OSBPL1A: variants seen among roughly 807,000 people sequenced by gnomAD.
OSBPL1A encodes the protein oxysterol-binding protein-related protein 1.
A neutral mutation model predicts 137.1 loss-of-function variants in OSBPL1A; 80 were observed. The observed-to-expected ratio is 0.58, with a 90% confidence interval of 0.49 to 0.70. The LOEUF is 0.70. Ranked by LOEUF, OSBPL1A falls within the 30% of genes least tolerant of loss-of-function variation. The pLI is 0.00. For missense variants in OSBPL1A, 970 were observed against 1,129.4 expected, an observed-to-expected ratio of 0.86 and a Z score of 2.02; for synonymous variants, 365 against 389.7, an observed-to-expected ratio of 0.94 and a Z score of 0.75.
intron 4 of OSBPL1A, among the ~76,000 whole-genome samples, chr18:24,346,276 C>T (rs1339140336): frequency 1.3e-5 from 2 of 152,134 alleles, no homozygotes; most frequent in African/African-American, 4.8e-5. Context: ...GAGAAAAATC[C>T]TCATGCCCAG....
chr18:24,381,806 C>T (rs1025762824), intron 1 of OSBPL1A, among the ~76,000 whole-genome samples: 4 of 150,504 alleles, frequency 2.7e-5, no homozygotes, highest in African/African-American at 7.3e-5. Context: ...ACTAAAAATA[C>T]AAAAATTAGG....
At chr18:24,396,473 C>G (rs1031084718) in intron 1 of OSBPL1A, among the ~76,000 whole-genome samples, 1 of 152,140 alleles carries the variant, frequency 6.6e-6, no homozygotes, top group African/African-American at 2.4e-5. Context: ...TTTTGACTAT[C>G]CGTTGCTCAA....
At position 24,196,137 on chromosome 18, in the gene OSBPL1A, T is replaced by A. The variant is rs1368491766; in HGVS notation, c.1665A>T (p.Lys555Asn). 1 of 1,609,880 alleles carries A rather than the reference T, an allele frequency of 6.2e-7. No individual in the cohort carries two copies. The highest frequency in any genetic ancestry group is 1.7e-4 in the Middle Eastern group (1 of 6,042). Residue 555 changes from lysine (K) to asparagine (N), a missense_variant, in exon 18 of 28, where the codon AAA (lysine) becomes AAT (asparagine). Around this residue, in one of 2 missense-constraint regions of OSBPL1A, gnomAD observed 647 missense variants for 672.6 expected, o/e 0.96. Transcript: ENST00000319481. ...NDFSIWSILR[K>N]CIGMELSKIT... ...ACCATTAATTTACCATTCCAATACA[T>A]TTTCTGAGGATGCTCCAGATACTGA...
chr18:24,274,414 T>C (rs2146063485), intron 15 of OSBPL1A, among the ~76,000 whole-genome samples: 1 of 152,180 alleles, frequency 6.6e-6, no homozygotes, highest in Non-Finnish European at 1.5e-5. Flanking sequence ...TATAAGCATA[T>C]GTAAATGTTC....
intron 14 of OSBPL1A, among the ~76,000 whole-genome samples, chr18:24,297,492 A>G (rs1053690509): frequency 1.3e-5 from 2 of 152,008 alleles, no homozygotes; most frequent in African/African-American, 4.8e-5. Context: ...CTAGCTTGTC[A>G]ATTTGTGCTC....
At chr18:24,384,632 G>T (rs1311808947) in intron 1 of OSBPL1A, among the ~76,000 whole-genome samples, 2 of 151,982 alleles carry the variant, frequency 1.3e-5, no homozygotes, top group Non-Finnish European at 2.9e-5. Context: ...CACTTTGCGA[G>T]GCCAAGATGG....
In OSBPL1A at chr18:24,308,719, G is replaced by A. The variant is rs368806087; in HGVS notation, c.1092+3265C>T. ...TGTGGTAGCCACATGTGGCTACTGAGCACTTGAAATGTGGCTAATATGTAG... is the reference window on the plus strand; with the variant it reads ...TGTGGTAGCCACATGTGGCTACTGAACACTTGAAATGTGGCTAATATGTAG... On this transcript the variant is annotated intron_variant, in intron 13 of 27. Transcript: ENST00000319481. Among the ~76,000 whole-genome samples the A allele has an allele frequency of 2.6e-5, 4 of 152,146 alleles. No individual in the cohort carries two copies. In the East Asian group the frequency reaches 7.7e-4, roughly 29 times the overall value.
intron 15 of OSBPL1A, among the ~76,000 whole-genome samples, chr18:24,242,831 T>C (rs2088749028): frequency 6.6e-6 from 1 of 152,218 alleles, no homozygotes; most frequent in Admixed American, 6.5e-5. Flanking sequence ...TTACAATTTT[T>C]AGAAAATCTG....
intron 17 of OSBPL1A, among the ~76,000 whole-genome samples, chr18:24,198,982 C>A (rs968234798): frequency 1.3e-5 from 2 of 151,816 alleles, no homozygotes; most frequent in African/African-American, 4.8e-5. Flanking sequence ...CTCAGCCTCC[C>A]GAGTAGCTGG....
rs559964442 is a variant in OSBPL1A, at chr18:24,362,901, G to A, written c.282+3991C>T. ...CCAGAGGAATGGCAGGAACTTGGAGGAAGAACACTGGGAGTCTTTAGCTTT... is the reference window on the plus strand; with the variant it reads ...CCAGAGGAATGGCAGGAACTTGGAGAAAGAACACTGGGAGTCTTTAGCTTT... On this transcript the variant is annotated intron_variant, in intron 4 of 27. Transcript: ENST00000319481. Among the ~76,000 whole-genome samples, 51 of 152,318 alleles carry A rather than the reference G, an allele frequency of 3.3e-4. No individual in the cohort carries two copies. In the South Asian group the frequency reaches 0.011, roughly 32 times the overall value.
intron 14 of OSBPL1A, among the ~76,000 whole-genome samples, chr18:24,298,622 G>A (rs2090339687): frequency 6.6e-6 from 1 of 152,224 alleles, no homozygotes; most frequent in Non-Finnish European, 1.5e-5. Flanking sequence ...TGGGATTACA[G>A]GCATGAGCCA....
At chr18:24,223,011 T>C (rs1174679165) in intron 17 of OSBPL1A, among the ~76,000 whole-genome samples, 3 of 152,082 alleles carry the variant, frequency 2.0e-5, no homozygotes, top group Non-Finnish European at 4.4e-5. Context: ...AATACAATTT[T>C]CACATGAATT....
At position 24,288,605 on chromosome 18, in the gene OSBPL1A, TAAAA is replaced by T. The variant is rs201419250; in HGVS notation, c.1175-7661_1175-7658del. On this transcript the variant is annotated intron_variant, in intron 14 of 27. Coordinates refer to ENST00000319481, the MANE Select transcript of OSBPL1A (RefSeq NM_080597.4). ...CAACATGGTGAAACCCTGTCTCTAC[TAAAA>T]ATACAAAAATTAGCTGGGCATGGTG... 5.3e-5 allele frequency among the ~76,000 whole-genome samples: 8 copies of T among 151,698 alleles called. No homozygotes were observed. In the East Asian group the frequency reaches 1.5e-3, roughly 29 times the overall value.
At chr18:24,180,631 T>C (rs141684296) in intron 19 of OSBPL1A, among the ~76,000 whole-genome samples, 126 of 152,266 alleles carry the variant, frequency 8.3e-4, no homozygotes, top group African/African-American at 3.0e-3. Flanking sequence ...TCCCAGCACT[T>C]TGGGAGGCCC....
chr18:24,247,181 A>G (rs995705490), intron 15 of OSBPL1A, among the ~76,000 whole-genome samples: 9 of 152,242 alleles, frequency 5.9e-5, no homozygotes, highest in Admixed American at 2.6e-4. Context: ...GGAAACAAAA[A>G]AGAGAGAGAC....
chr18:24,283,249 A>G (rs564067986), intron 14 of OSBPL1A, among the ~76,000 whole-genome samples: 1 of 136,358 alleles, frequency 7.3e-6, no homozygotes, highest in South Asian at 2.4e-4. Flanking sequence ...TGGGAGACAG[A>G]GCAAGACTCC....
chr18:24,174,680 A>G (rs1331925375), intron 21 of OSBPL1A, among the ~76,000 whole-genome samples: 8 of 152,194 alleles, frequency 5.3e-5, no homozygotes, highest in Non-Finnish European at 1.2e-4. Context: ...ATAGGTATAA[A>G]TATAAATTGT....
intron 16 of OSBPL1A, among the ~76,000 whole-genome samples, chr18:24,234,310 C>T (rs929198726): frequency 1.3e-5 from 2 of 152,182 alleles, no homozygotes; most frequent in Non-Finnish European, 2.9e-5. Flanking sequence ...TTTCACTTGA[C>T]ATAACCATTT....
At chr18:24,370,207 C>T (rs540313918) in intron 2 of OSBPL1A, among the ~76,000 whole-genome samples, 8 of 152,224 alleles carry the variant, frequency 5.3e-5, no homozygotes, top group South Asian at 4.1e-4. Context: ...GACAACAAAG[C>T]GAGACACTGT....
Sources: gnomAD v4.1 joint callset for allele counts (sites outside exome capture counted in the v4.1 genomes callset) on GRCh38, gnomAD v4.1.1 for gene constraint, gnomAD v4.1.1 regional missense constraint, MANE v1.5 for transcripts, NCBI Gene and HGNC (gene_info 2026-07-23, HGNC 2026-07-21) for gene names.